Variants in PTPRT observed in about 807,000 individuals in gnomAD.
The protein encoded by PTPRT is receptor-type tyrosine-protein phosphatase T.
Under a neutral mutation model 176.8 loss-of-function variants are expected in PTPRT, and 56 were observed. The observed-to-expected ratio is 0.32, with a 90% CI of 0.26 to 0.40. The LOEUF (loss-of-function observed/expected upper bound fraction) is 0.40, where lower values mean the gene tolerates loss of function less well. PTPRT is among the 10% of genes least tolerant of loss of function. The pLI is 1.00. For synonymous variants in PTPRT, 783 were observed against 739.0 expected (o/e 1.06, Z -0.96); for missense variants, 1,540 against 1,908.2 (o/e 0.81, Z 3.60).
At chr20:42,547,032 G>A (rs1306740879) in intron 7 of PTPRT, among the ~76,000 whole-genome samples, 6 of 152,040 alleles carry the variant, frequency 3.9e-5, no homozygotes, top group African/African-American at 9.7e-5. Flanking sequence ...GTGCCTTATA[G>A]ACTTGCTTGA....
chr20:43,095,076 A>G (rs1332018989), intron 1 of PTPRT, among the ~76,000 whole-genome samples: 1 of 152,094 alleles, frequency 6.6e-6, no homozygotes, highest in Non-Finnish European at 1.5e-5. Flanking sequence ...GTCTTTCTGC[A>G]TTTTGGATAT....
At chr20:42,918,491 G>A (rs1978926270) in intron 1 of PTPRT, among the ~76,000 whole-genome samples, 1 of 152,022 alleles carries the variant, frequency 6.6e-6, no homozygotes, top group African/African-American at 2.4e-5. Flanking sequence ...TCCTTCCCAT[G>A]GGCCCCTTCT....
intron 2 of PTPRT, among the ~76,000 whole-genome samples, chr20:42,859,075 C>T (rs1403241016): frequency 1.3e-5 from 2 of 152,122 alleles, no homozygotes; most frequent in African/African-American, 2.4e-5. Context: ...AGAAGGGACT[C>T]CAGTAGATAG....
chr20:42,179,798 G>A (rs1003733892), intron 16 of PTPRT, among the ~76,000 whole-genome samples: 1 of 152,300 alleles, frequency 6.6e-6, no homozygotes, highest in East Asian at 1.9e-4. Context: ...TGGGGTAGGT[G>A]TACCGGAATC....
intron 1 of PTPRT, among the ~76,000 whole-genome samples, chr20:43,111,546 G>GGA (rs1555833606): frequency 1.2e-5 from 1 of 83,456 alleles, no homozygotes; most frequent in East Asian, 3.4e-4. Flanking sequence ...TCCGTCTCAG[G>GGA]AAAAAAAAAA....
chr20:42,283,762 T>C (rs970096930), intron 12 of PTPRT, among the ~76,000 whole-genome samples: 6 of 152,114 alleles, frequency 3.9e-5, no homozygotes, highest in Non-Finnish European at 8.8e-5. Context: ...ACCAGACACA[T>C]GGCCATGCCT....
rs374930365 is a variant in PTPRT, at chr20:42,115,218, C to G, written c.3080G>C (p.Arg1027Pro). The G allele has an allele frequency of 1.2e-6, 2 of 1,613,522 alleles. No individual in the cohort carries two copies. Among genetic ancestry groups the G allele is most frequent in the Non-Finnish European group, 1.7e-6 (2 of 1,179,624 alleles). Reference sequence around the variant, plus strand: ...GCTTACCTTCTGGACTGTGAAGGTGCGTATGACGTATTCTGCCAGGGGCTC... The same window carrying G: ...GCTTACCTTCTGGACTGTGAAGGTGGGTATGACGTATTCTGCCAGGGGCTC... ...ETEPLAEYVI[R>P]TFTVQKKGYH... Residue 1027 changes from arginine (R) to proline (P), a missense_variant, in exon 22 of 31, where the codon CGC becomes CCC. Physicochemically the swap from Arg to Pro is moderately radical, Grantham distance 103. This residue lies in a region of PTPRT where 248 missense variants were observed against 356.7 expected (regional missense o/e 0.70). Transcript: ENST00000373187.
intron 1 of PTPRT, among the ~76,000 whole-genome samples, chr20:43,002,592 C>T (rs763332467): frequency 1.3e-5 from 2 of 151,944 alleles, no homozygotes; most frequent in African/African-American, 2.4e-5. Context: ...AAAAGTAGAA[C>T]AAAATAATTA....
chr20:42,392,993 G>T (rs1234922784), intron 9 of PTPRT, among the ~76,000 whole-genome samples: 2 of 152,216 alleles, frequency 1.3e-5, no homozygotes, highest in Non-Finnish European at 2.9e-5. Context: ...AGAGTGGACA[G>T]TTGTGCCAAA....
intron 24 of PTPRT, among the ~76,000 whole-genome samples, chr20:42,105,623 A>G (rs1359107805): frequency 1.3e-5 from 2 of 152,312 alleles, no homozygotes; most frequent in East Asian, 3.9e-4. Flanking sequence ...ATGCATCTGC[A>G]TTTGAATATG....
chr20:42,754,468 G>A (rs143258977), intron 6 of PTPRT, among the ~76,000 whole-genome samples: 2,875 of 151,876 alleles, frequency 0.019, 100 homozygotes, highest in African/African-American at 0.064. Flanking sequence ...TAGTAGAGAC[G>A]GGGTTTCACC....
intron 11 of PTPRT, among the ~76,000 whole-genome samples, chr20:42,321,076 A>G (rs543848524): frequency 6.6e-6 from 1 of 152,280 alleles, no homozygotes; most frequent in South Asian, 2.1e-4. Flanking sequence ...AGGATCAGAG[A>G]CCTATTTTAT....
intron 11 of PTPRT, among the ~76,000 whole-genome samples, chr20:42,349,914 C>A (rs994794146): frequency 6.6e-6 from 1 of 152,200 alleles, no homozygotes; most frequent in African/African-American, 2.4e-5. Context: ...TGATCTCCAA[C>A]CACGTTTGGT....
chr20:42,756,301 C>T (rs1252772390), intron 6 of PTPRT, among the ~76,000 whole-genome samples, 161 bp downstream of exon 6: 1 of 152,166 alleles, frequency 6.6e-6, no homozygotes, highest in Non-Finnish European at 1.5e-5. Context: ...ATAGTTTCTC[C>T]CGTTTGGGGA....
intron 9 of PTPRT, among the ~76,000 whole-genome samples, chr20:42,422,699 T>A (rs2059129710): frequency 6.6e-6 from 1 of 152,186 alleles, no homozygotes; most frequent in Non-Finnish European, 1.5e-5. Flanking sequence ...CATTACTGGG[T>A]ATATACCCAA....
At chr20:42,882,807 G>A (rs2079028941) in intron 2 of PTPRT, among the ~76,000 whole-genome samples, 1 of 152,212 alleles carries the variant, frequency 6.6e-6, no homozygotes, top group Admixed American at 6.5e-5. Context: ...TGTGATGCGT[G>A]CTACTAAGGA....
intron 6 of PTPRT, among the ~76,000 whole-genome samples, chr20:42,709,056 G>T (rs537310331): frequency 6.6e-6 from 1 of 152,220 alleles, no homozygotes; most frequent in East Asian, 1.9e-4. Flanking sequence ...ACTACATGGT[G>T]TAATGTAAAC....
intron 9 of PTPRT, among the ~76,000 whole-genome samples, chr20:42,360,357 T>G (rs2058416737): frequency 6.6e-6 from 1 of 152,114 alleles, no homozygotes; most frequent in East Asian, 1.9e-4. Context: ...ATTCTGAGAT[T>G]CACTCTTCCC....
At chr20:42,358,767 A>C (rs2058391978) in intron 9 of PTPRT, among the ~76,000 whole-genome samples, 2 of 152,176 alleles carry the variant, frequency 1.3e-5, no homozygotes, top group African/African-American at 2.4e-5. Flanking sequence ...GAGAAGAAGA[A>C]GATACGCTTT....
Sources: allele counts gnomAD v4.1 joint callset (sites outside exome capture counted in the v4.1 genomes callset), GRCh38; gene constraint gnomAD v4.1.1; regional missense constraint gnomAD v4.1.1; transcripts MANE v1.5; gene names NCBI Gene and HGNC (gene_info 2026-07-23, HGNC 2026-07-21).